Variants in ZC3H11A observed in about 807,000 individuals in gnomAD.
ZC3H11A encodes zinc finger CCCH-type containing 11A.
In ZC3H11A, 22 loss-of-function variants were observed where a neutral mutation model predicts 90.8. That is an observed-to-expected ratio of 0.24 (90% confidence interval 0.17 to 0.35). The LOEUF (loss-of-function observed/expected upper bound fraction) is 0.35, where lower values mean the gene tolerates loss of function less well. ZC3H11A is among the 10% of genes least tolerant of loss of function. The pLI is 1.00. For missense variants in ZC3H11A, 701 were observed against 964.9 expected (o/e 0.73, Z 3.62); for synonymous variants, 294 against 339.8 (o/e 0.87, Z 1.48).
intron 11 of ZC3H11A, among the ~76,000 whole-genome samples, chr1:203,838,673 G>A (rs940767319): frequency 6.6e-5 from 10 of 152,126 alleles, no homozygotes; most frequent in Non-Finnish European, 1.2e-4. Context: ...TAAACAGGCC[G>A]GGCACGGTAG....
intron 3 of ZC3H11A, 89 bp from the exon 4 acceptor site, chr1:203,818,481 T>C (rs1677126538): frequency 6.4e-7 from 1 of 1,561,416 alleles, no homozygotes; most frequent in Admixed American, 1.7e-5. Context: ...TCATTTGTGC[T>C]TGTCTAAATT....
chr1:203,828,085 A>G (rs1681146673), intron 4 of ZC3H11A, among the ~76,000 whole-genome samples: 1 of 152,312 alleles, frequency 6.6e-6, no homozygotes, highest in South Asian at 2.1e-4. Context: ...GTAAAAAGGG[A>G]AAGAATAACA....
At chr1:203,851,473 G>T (rs1689241129) in intron 17 of ZC3H11A, among the ~76,000 whole-genome samples, 1 of 152,130 alleles carries the variant, frequency 6.6e-6, no homozygotes. Context: ...GGGATTACAG[G>T]TGCCTGCCAC....
At chr1:203,842,934 T>G (rs533078405) in intron 12 of ZC3H11A, among the ~76,000 whole-genome samples, 10 of 151,832 alleles carry the variant, frequency 6.6e-5, no homozygotes, top group Non-Finnish European at 1.0e-4. Flanking sequence ...CTTTTTTTTT[T>G]TAATACCTTG....
intron 12 of ZC3H11A, among the ~76,000 whole-genome samples, chr1:203,844,970 C>A (rs999403428): frequency 2.0e-5 from 3 of 152,066 alleles, no homozygotes; most frequent in African/African-American, 7.2e-5. Context: ...AGGAGGAGGT[C>A]ATGACTGGCC....
intron 2 of ZC3H11A, among the ~76,000 whole-genome samples, chr1:203,811,143 CAAAAAA>C (rs535589700): frequency 2.7e-5 from 2 of 73,626 alleles, no homozygotes; most frequent in South Asian, 4.7e-4. Flanking sequence ...AACTCTGTCA[CAAAAAA>C]AAAAAAAAAA....
chr1:203,838,366 GCATCTATTATTAC>G (rs1465011286), intron 11 of ZC3H11A, among the ~76,000 whole-genome samples: 1 of 152,180 alleles, frequency 6.6e-6, no homozygotes, highest in Non-Finnish European at 1.5e-5. Context: ...CATAGGAGAG[GCATCTATTATTAC>G]CATCTGTTAG....
chr1:203,833,201 C>T (rs191783892), intron 9 of ZC3H11A, among the ~76,000 whole-genome samples: 2 of 152,218 alleles, frequency 1.3e-5, no homozygotes, highest in South Asian at 2.1e-4. Context: ...AACCTTGTCT[C>T]TACTAAAAAT....
Position 203,797,448 on chromosome 1 carries a change from A to G in ZC3H11A, c.-1588+1654A>G, listed in dbSNP as rs1425806112. The G allele has an allele frequency of 1.1e-5, 15 of 1,341,874 alleles. 1 individual carries two copies. The Admixed American group carries it at 1.5e-4, about 14-fold the overall frequency. 83.1% of individuals were successfully genotyped at this position (1,341,874 alleles called of 1,614,324 possible). ...TGGAGAAAAGGTAATGCAAGTAGAG[A>G]GGAACAGCTGTATTTCTGCTTGAGT... On this transcript the variant is annotated intron_variant, in intron 1 of 17. Coordinates refer to ENST00000367210, the MANE Select transcript of ZC3H11A (RefSeq NM_001376342.1).
chr1:203,820,891 A>G (rs897213216), intron 4 of ZC3H11A, among the ~76,000 whole-genome samples: 1 of 152,148 alleles, frequency 6.6e-6, no homozygotes, highest in Non-Finnish European at 1.5e-5. Context: ...GCTTCATTAT[A>G]AAGGCTTTCT....
chr1:203,821,035 C>T (rs1318480506), intron 4 of ZC3H11A, among the ~76,000 whole-genome samples: 6 of 152,088 alleles, frequency 3.9e-5, no homozygotes, highest in Non-Finnish European at 1.5e-5. Flanking sequence ...GCTCTGTATC[C>T]TCACCTGAAT....
chr1:203,830,676 G>T (rs1279847359), intron 8 of ZC3H11A, among the ~76,000 whole-genome samples: 1 of 152,014 alleles, frequency 6.6e-6, no homozygotes, highest in African/African-American at 2.4e-5. Flanking sequence ...AGGCGGGGTG[G>T]CATGCACCTG....
At chr1:203,811,840 A>G (rs958641522) in intron 2 of ZC3H11A, among the ~76,000 whole-genome samples, 2 of 145,894 alleles carry the variant, frequency 1.4e-5, no homozygotes, top group African/African-American at 2.5e-5. Context: ...TTTTTTTTAG[A>G]CAGGTCTCAC....
rs1320739263 is a variant in ZC3H11A at position 203,828,391 on chromosome 1, T to C, written c.267T>C (p.Tyr89=). 3.1e-6 allele frequency: 5 copies of C among 1,613,810 alleles called. No individual in the cohort carries two copies. The highest frequency in any genetic ancestry group is 1.1e-5 in the South Asian group (1 of 91,000). ...CTTTCCATCACAATAGAGGACGATA[T>C]GTTGATGGCCTTTTCCTACCTCCGA... is the stretch of plus-strand genomic sequence containing the variant. ...NCAFHHNRGR[Y]VDGLFLPPSK... Residue 89 remains tyrosine, a synonymous_variant, in exon 5 of 18, where the codon TAT becomes TAC. Coordinates refer to ENST00000367210, the MANE Select transcript of ZC3H11A (RefSeq NM_001376342.1).
chr1:203,841,728 G>A (rs1163940103), intron 12 of ZC3H11A, among the ~76,000 whole-genome samples: 6 of 152,184 alleles, frequency 3.9e-5, no homozygotes, highest in Admixed American at 1.3e-4. Flanking sequence ...CAGATAGGGC[G>A]GCCGGGCAGA....
At chr1:203,796,518 G>T (rs1349957267) in intron 1 of ZC3H11A, 1 of 399,014 alleles carries the variant, frequency 2.5e-6, no homozygotes, top group Non-Finnish European at 4.4e-6. Context: ...TATGGGGAAG[G>T]CCTATATTGT....
chr1:203,805,220 G>A (rs551705192), intron 2 of ZC3H11A, among the ~76,000 whole-genome samples: 1 of 147,916 alleles, frequency 6.8e-6, no homozygotes, highest in African/African-American at 2.5e-5. Context: ...CTGGACCTCC[G>A]CCTCCTGGGT....
At position 203,840,605 on chromosome 1, in the gene ZC3H11A, ATTAT is replaced by A. The variant is rs534962124; in HGVS notation, c.1042+262_1042+265del. On this transcript the variant is annotated intron_variant, in intron 12 of 17. Coordinates refer to ENST00000367210, the MANE Select transcript of ZC3H11A (RefSeq NM_001376342.1). ...TTCATCATAGCATTAATAGTAGGAAATTATTTATTTATTTATTTATTTATTTATT... is the reference window on the plus strand; with the variant it reads ...TTCATCATAGCATTAATAGTAGGAAATTATTTATTTATTTATTTATTTATT... Among the ~76,000 whole-genome samples, 362 of 147,694 alleles carry A rather than the reference ATTAT, an allele frequency of 2.5e-3. 2 individuals are homozygous for A. Among genetic ancestry groups the A allele is most frequent in the African/African-American group, 7.1e-3 (287 of 40,482 alleles).
chr1:203,840,433 CT>C, intron 12 of ZC3H11A, 59 bp downstream of exon 12: 1 of 1,534,146 alleles, frequency 6.5e-7, no homozygotes. Context: ...AGAGCCTTTG[CT>C]TTTTCTCAGA....
Sources: allele counts gnomAD v4.1 joint callset (sites outside exome capture counted in the v4.1 genomes callset), GRCh38; gene constraint gnomAD v4.1.1; transcripts MANE v1.5; gene names NCBI Gene and HGNC (gene_info 2026-07-23, HGNC 2026-07-21).